DLG5: variants seen among roughly 807,000 people sequenced by gnomAD.
DLG5 encodes the protein discs large MAGUK scaffold protein 5, also known as disks large homolog 5.
DLG5 carries 48 observed loss-of-function variants against 189.8 expected under a neutral mutation model. The observed-to-expected ratio is 0.25, with a 90% CI of 0.20 to 0.32. DLG5 has a LOEUF of 0.32. DLG5 is among the 10% of genes least tolerant of loss of function. The pLI, the probability that DLG5 is intolerant of heterozygous loss-of-function variation, is 1.00. For synonymous variants in DLG5, 1,016 were observed against 1,054.1 expected, an observed-to-expected ratio of 0.96 and a Z score of 0.70; for missense variants, 2,160 against 2,544.7, an observed-to-expected ratio of 0.85 and a Z score of 3.25.
At chr10:77,911,781 C>T (rs920819509) in intron 1 of DLG5, among the ~76,000 whole-genome samples, 1 of 152,094 alleles carries the variant, frequency 6.6e-6, no homozygotes. Flanking sequence ...GCTTTCCACA[C>T]GGGCAGCCCT....
the DLG5 span, among the ~76,000 whole-genome samples, chr10:77,933,540 C>A: frequency 6.6e-6 from 1 of 152,056 alleles, no homozygotes; most frequent in African/African-American, 2.4e-5. Flanking sequence ...GTGATCCACC[C>A]CACTCAGCCT....
chr10:77,865,702 G>A (rs1589232942), intron 2 of DLG5, among the ~76,000 whole-genome samples: 1 of 152,136 alleles, frequency 6.6e-6, no homozygotes, highest in Middle Eastern at 3.2e-3. Context: ...AGGTAGGGTC[G>A]GGGGCAGGTC....
rs1474248959 is a variant in DLG5, at chr10:77,816,988, A to C, written c.3874+19T>G. 2.7e-5 allele frequency: 43 copies of C among 1,611,854 alleles called. No homozygotes were observed. The highest frequency in any genetic ancestry group is 3.6e-5 in the Non-Finnish European group (42 of 1,178,452). On this transcript the variant is annotated intron_variant, in intron 19 of 31. Transcript: ENST00000372391. The stretch of plus-strand genomic sequence containing the variant: ...CCGCAGGAAAAGCAGGAGAGATGGG[A>C]ATGTCGAGAAGTCCTTACCTCTCTC...
intron 8 of DLG5, among the ~76,000 whole-genome samples, 175 bp from the exon 9 acceptor site, chr10:77,834,214 T>C (rs548537141): frequency 4.4e-4 from 67 of 152,168 alleles, no homozygotes; most frequent in African/African-American, 1.6e-3. Flanking sequence ...CCAGCCCCAG[T>C]GCATGACAGA....
chr10:77,929,043 A>C (rs1263427435), upstream of DLG5: 1 of 151,842 alleles, frequency 6.6e-6, no homozygotes, highest in Non-Finnish European at 1.5e-5. Flanking sequence ...AAAGAAAAAA[A>C]AACTTATTTT....
intron 1 of DLG5, among the ~76,000 whole-genome samples, chr10:77,869,915 G>A (rs1245471591): frequency 2.6e-5 from 4 of 151,766 alleles, no homozygotes; most frequent in African/African-American, 2.4e-5. Context: ...TAGCTGGGTC[G>A]TGCTGAGCAA....
chr10:77,830,626 G>C, intron 10 of DLG5, 115 bp downstream of exon 10: 1 of 1,495,040 alleles, frequency 6.7e-7, no homozygotes, highest in South Asian at 1.3e-5. Flanking sequence ...ACTCCTGGGA[G>C]GAAAAGGAGA....
At position 77,881,294 on chromosome 10, in the gene DLG5, T is replaced by G. The variant is rs557884046; in HGVS notation, c.305-12097A>C. 7.7e-4 allele frequency among the ~76,000 whole-genome samples: 117 copies of G among 152,176 alleles called. 2 individuals carry two copies. In the South Asian group the frequency reaches 0.023, roughly 30 times the overall value. ...AGAAAAAGATGCAAGCAGGCATCCCTCGCCCAGTGTCAACACTCAGGGAAC... is the reference window on the plus strand; with the variant it reads ...AGAAAAAGATGCAAGCAGGCATCCCGCGCCCAGTGTCAACACTCAGGGAAC... On this transcript the variant is annotated intron_variant, in intron 1 of 31. Coordinates refer to ENST00000372391, the MANE Select transcript of DLG5 (RefSeq NM_004747.4).
intron 9 of DLG5, among the ~76,000 whole-genome samples, chr10:77,832,654 A>G (rs1012356910): frequency 6.6e-6 from 1 of 152,238 alleles, no homozygotes; most frequent in African/African-American, 2.4e-5. Flanking sequence ...TGCCAGTTAG[A>G]GAACTTAGCA....
chr10:77,811,033 T>C (rs904577334), intron 23 of DLG5, 61 bp downstream of exon 23: 3 of 1,559,300 alleles, frequency 1.9e-6, no homozygotes, highest in South Asian at 1.2e-5. Context: ...ACTTGGAGAA[T>C]GTGCTCAGCC....
At position 77,812,025 on chromosome 10, in the gene DLG5, C is replaced by T; in HGVS notation, c.4221G>A (p.Glu1407=). 6.2e-7 allele frequency: 1 copy of T among 1,610,952 alleles called. No homozygotes were observed. Among genetic ancestry groups the T allele is most frequent in the Non-Finnish European group, 8.5e-7 (1 of 1,180,016 alleles). Residue 1407 remains glutamate, a synonymous_variant, in exon 22 of 32, where the codon GAG becomes GAA. Coordinates refer to ENST00000372391, the MANE Select transcript of DLG5 (RefSeq NM_004747.4). ...GCCCGATGATGAGCCGCGCCTGCTG[C>T]TCCGTGGCGCTCCGCAGGTTTATGC... ...FNGINLRSAT[E]QQARLIIGQQ...
intron 5 of DLG5, among the ~76,000 whole-genome samples, chr10:77,847,816 C>A (rs1459510685): frequency 1.3e-5 from 2 of 152,148 alleles, no homozygotes; most frequent in Non-Finnish European, 2.9e-5. Flanking sequence ...AAGTGATCCT[C>A]CTGCCTCCGC....
intron 14 of DLG5, among the ~76,000 whole-genome samples, chr10:77,822,633 ACT>A (rs1842427847): frequency 2.0e-5 from 3 of 152,030 alleles, no homozygotes; most frequent in Non-Finnish European, 4.4e-5. Flanking sequence ...ACACAATGAG[ACT>A]CTGTCTCAAA....
Position 77,834,052 on chromosome 10 carries a change from G to A in DLG5, c.1623-13C>T. ...GTCACACAGTGTCCTGGTGGAAGGAGCAGAGGACAAGGTCATCTCAAGAGG... is the reference window on the plus strand; with the variant it reads ...GTCACACAGTGTCCTGGTGGAAGGAACAGAGGACAAGGTCATCTCAAGAGG... On this transcript the variant is annotated splice_polypyrimidine_tract_variant and intron_variant, in intron 8 of 31. Transcript: ENST00000372391. The A allele has an allele frequency of 6.2e-7, 1 of 1,607,402 alleles. No homozygotes were observed. Among genetic ancestry groups the A allele is most frequent in the Non-Finnish European group, 8.5e-7 (1 of 1,178,880 alleles).
At chr10:77,841,234 G>T (rs563720798) in intron 7 of DLG5, among the ~76,000 whole-genome samples, 4 of 152,314 alleles carry the variant, frequency 2.6e-5, no homozygotes, top group African/African-American at 9.6e-5. Flanking sequence ...AGGTTGACAG[G>T]TAGGAAGGAG....
intron 1 of DLG5, among the ~76,000 whole-genome samples, chr10:77,917,114 C>A (rs774523770): frequency 6.6e-6 from 1 of 151,696 alleles, no homozygotes; most frequent in African/African-American, 2.4e-5. Flanking sequence ...GCGGCCAGAT[C>A]GCTTGAATCC....
chr10:77,833,801 C>T (rs957815223), intron 9 of DLG5, 113 bp downstream of exon 9: 428 of 1,467,430 alleles, frequency 2.9e-4, no homozygotes, highest in Admixed American at 8.6e-4. Flanking sequence ...GCCAGCTCGA[C>T]GCAGAAGGAT....
chr10:77,819,424 A>G lies in DLG5; in HGVS notation c.3568T>C (p.Ser1190Pro). The G allele has an allele frequency of 1.2e-6, 2 of 1,613,482 alleles. No individual in the cohort carries two copies. The highest frequency in any genetic ancestry group is 1.7e-6 in the Non-Finnish European group (2 of 1,179,868). Residue 1190 changes from serine (S) to proline (P), a missense_variant, in exon 17 of 32, where the codon TCC (serine) becomes CCC (proline). Around this residue, in one of 5 missense-constraint regions of DLG5, gnomAD observed 754 missense variants for 746.5 expected, o/e 1.01. Transcript: ENST00000372391. The part of the protein sequence containing the change: ...RSLTPSTTVS[S>P]ILRNPIYTVR... Reference sequence around the variant, plus strand: ...GTGTAGATGGGGTTCCGCAGGATGGAGCTCACAGTGGTGCTGGGGGTCAAA... The same window carrying G: ...GTGTAGATGGGGTTCCGCAGGATGGGGCTCACAGTGGTGCTGGGGGTCAAA...
intron 1 of DLG5, among the ~76,000 whole-genome samples, chr10:77,894,298 CTCTG>C (rs942400755): frequency 4.6e-5 from 7 of 152,112 alleles, no homozygotes; most frequent in Admixed American, 4.6e-4. Flanking sequence ...CACTCTGTGC[CTCTG>C]TCTGCACCTC....
Sources: allele counts gnomAD v4.1 joint callset (sites outside exome capture counted in the v4.1 genomes callset), GRCh38; gene constraint gnomAD v4.1.1; regional missense constraint gnomAD v4.1.1; transcripts MANE v1.5; gene names NCBI Gene and HGNC (gene_info 2026-07-23, HGNC 2026-07-21).